The following PARP9 variants were observed in gnomAD, a reference collection of about 807,000 sequenced individuals.
PARP9 encodes protein mono-ADP-ribosyltransferase PARP9.
In PARP9, 48 loss-of-function variants were observed where a neutral mutation model predicts 68.8. That is an observed-to-expected ratio of 0.70 (90% CI 0.55 to 0.89). PARP9 has a LOEUF of 0.89. PARP9 is among the 40% of genes least tolerant of loss of function. The pLI, the probability that PARP9 is intolerant of heterozygous loss-of-function variation, is 0.00. For missense variants in PARP9, 806 were observed against 969.3 expected (o/e 0.83, Z 2.24); for synonymous variants, 309 against 333.8 (o/e 0.93, Z 0.81).
At chr3:122,564,148 C>G (rs545569108) in intron 1 of PARP9, 97 bp downstream of exon 1, 83 of 476,616 alleles carry the variant, frequency 1.7e-4, no homozygotes, top group African/African-American at 1.6e-3. Context: ...AGGCCTGGCC[C>G]TGGGACCCGG....
chr3:122,546,099 GC>G (rs1234918996), intron 6 of PARP9: 3 of 152,290 alleles, frequency 2.0e-5, no homozygotes, highest in Admixed American at 1.3e-4. Flanking sequence ...ATCTCACTTA[GC>G]TTTTGGAGCC....
At chr3:122,556,173 A>AAAACAAAAAAAAC (rs2079643912) in intron 3 of PARP9, 52 bp from the exon 4 acceptor site, 1 of 1,160,410 alleles carries the variant, frequency 8.6e-7, no homozygotes, top group Admixed American at 2.8e-5. Flanking sequence ...AAAAAAAAAA[A>AAAACAAAAAAAAC]GCACAGTTTG....
Position 122,528,177 on chromosome 3 carries a change from A to T in PARP9, c.*187T>A, listed in dbSNP as rs972493409. 7 of 654,042 alleles carry T rather than the reference A, an allele frequency of 1.1e-5. No individual in the cohort carries two copies. The highest frequency in any genetic ancestry group is 1.7e-5 in the Non-Finnish European group (7 of 411,996). 40.5% of individuals were successfully genotyped at this position (654,042 alleles called of 1,614,324 possible). A position where few individuals can be genotyped will look rare whatever the true frequency, so the allele number is the denominator to read the frequency against. On this transcript the variant is annotated 3_prime_UTR_variant, in exon 11 of 11. Coordinates refer to ENST00000682323, the MANE Select transcript of PARP9 (RefSeq NM_001146105.2). ...TTTCATTTGGTATCTACCTACCCCAACCCCAAGACATAAAGACAGATAAAG... is the reference window on the plus strand; with the variant it reads ...TTTCATTTGGTATCTACCTACCCCATCCCCAAGACATAAAGACAGATAAAG...
At chr3:122,544,536 T>G (rs1456456275) in intron 7 of PARP9, among the ~76,000 whole-genome samples, 1 of 151,838 alleles carries the variant, frequency 6.6e-6, no homozygotes, top group African/African-American at 2.4e-5. Flanking sequence ...CAAACTCCAC[T>G]AAAAGAATGA....
rs2078121609 is a variant in PARP9 at position 122,540,521 on chromosome 3, T to C, written c.1716A>G (p.Val572=). The C allele has an allele frequency of 1.9e-6, 3 of 1,614,120 alleles. No homozygotes were observed. Among genetic ancestry groups the C allele is most frequent in the South Asian group, 2.2e-5 (2 of 91,090 alleles). The change falls in exon 8 of 11, where the codon GTA becomes GTG. Residue 572 remains valine, a synonymous_variant. Coordinates refer to ENST00000682323, the MANE Select transcript of PARP9 (RefSeq NM_001146105.2). ...CCTTTTTCCTTGCCATTTCCTCCTG[T>C]ACTTTACAAAGCATATCTTCAATGT... is the stretch of plus-strand genomic sequence containing the variant. ...VMNIEDMLCK[V]QEEMARKKER...
chr3:122,535,403 G>C, intron 10 of PARP9: 1 of 985,374 alleles, frequency 1.0e-6, no homozygotes, highest in Non-Finnish European at 1.2e-6. Flanking sequence ...TCCTCAGCAA[G>C]GATCATGCTA....
intron 8 of PARP9, among the ~76,000 whole-genome samples, chr3:122,539,477 T>C (rs2077925333): frequency 6.6e-6 from 1 of 151,838 alleles, no homozygotes; most frequent in Non-Finnish European, 1.5e-5. Flanking sequence ...GATATCTATA[T>C]CTATCTCTAT....
chr3:122,550,533 A>G (rs1979853), intron 6 of PARP9, 51 bp downstream of exon 6: 814,362 of 1,381,854 alleles, frequency 0.59, 239,089 homozygotes, highest in East Asian at 0.75. Context: ...ATGTTGCTGA[A>G]TGAATGAATG....
intron 5 of PARP9, among the ~76,000 whole-genome samples, chr3:122,551,174 A>G (rs1022471908): frequency 1.3e-5 from 2 of 152,246 alleles, no homozygotes; most frequent in African/African-American, 4.8e-5. Context: ...GGAGATCGAG[A>G]TTAAAATAAG....
intron 10 of PARP9, among the ~76,000 whole-genome samples, chr3:122,530,176 CAAA>C (rs11295677): frequency 3.6e-4 from 30 of 82,264 alleles, no homozygotes; most frequent in Non-Finnish European, 5.4e-4. Context: ...GGCCCTGTCT[CAAA>C]AAAAAAAAAA....
Position 122,555,613 on chromosome 3 carries a change from C to T in PARP9, c.558G>A (p.Leu186=). 6.2e-7 allele frequency: 1 copy of T among 1,614,106 alleles called. No homozygotes were observed. The highest frequency in any genetic ancestry group is 8.5e-7 in the Non-Finnish European group (1 of 1,180,004). Residue 186 remains leucine (L), a synonymous_variant, in exon 4 of 11, where the codon CTG becomes CTA. Coordinates refer to ENST00000682323, the MANE Select transcript of PARP9 (RefSeq NM_001146105.2). Reference sequence around the variant, plus strand: ...GAGTATTTTTATAGATGACATAATTCAGAATACTTACAATGGCCCTCTGCA... The same window carrying T: ...GAGTATTTTTATAGATGACATAATTTAGAATACTTACAATGGCCCTCTGCA... ...GKLQRAIVSI[L]NYVIYKNTHI... is the part of the protein sequence containing the mutation.
chr3:122,534,124 G>A, intron 10 of PARP9: 1 of 927,924 alleles, frequency 1.1e-6, no homozygotes, highest in Non-Finnish European at 1.3e-6. Flanking sequence ...CAGCAGGTAA[G>A]AGACCAAAAT....
In PARP9 at chr3:122,536,008, C is replaced by A. The variant is rs999124786; in HGVS notation, c.2080+160G>T. The A allele has an allele frequency of 5.3e-6, 8 of 1,520,260 alleles. No individual in the cohort carries two copies. The African/African-American group carries it at 1.1e-4, about 21-fold the overall frequency. 94.2% of individuals were successfully genotyped at this position (1,520,260 alleles called of 1,614,324 possible). On this transcript the variant is annotated intron_variant, in intron 10 of 10. Transcript: ENST00000682323. ...GGAAAAGTAAAAAATACCACTCTTT[C>A]CAAAATACTTTGTGACCTGGGTCAT... is the stretch of plus-strand genomic sequence containing the variant.
At chr3:122,562,568 T>C (rs186435474) in intron 1 of PARP9, among the ~76,000 whole-genome samples, 1 of 152,188 alleles carries the variant, frequency 6.6e-6, no homozygotes, top group Non-Finnish European at 1.5e-5. Context: ...TACATTTACA[T>C]GGTTCAAATT....
chr3:122,534,443 A>C (rs148453542), intron 10 of PARP9: 1 of 985,438 alleles, frequency 1.0e-6, no homozygotes, highest in African/African-American at 1.7e-5. Flanking sequence ...GGCAGCATGT[A>C]GATAAGTGGT....
intron 8 of PARP9, among the ~76,000 whole-genome samples, chr3:122,540,041 A>C (rs192878873): frequency 1.3e-5 from 2 of 152,254 alleles, no homozygotes; most frequent in Non-Finnish European, 2.9e-5. Context: ...GGCTCAAGGT[A>C]AGTAATTTTA....
At chr3:122,545,279 G>A (rs540108269) in intron 7 of PARP9, among the ~76,000 whole-genome samples, 153 bp downstream of exon 7, 2 of 152,324 alleles carry the variant, frequency 1.3e-5, no homozygotes, top group South Asian at 4.1e-4. Flanking sequence ...ATCATGATCA[G>A]GGTAGAGAGT....
At chr3:122,541,248 T>A (rs2078209612) in intron 7 of PARP9, among the ~76,000 whole-genome samples, 1 of 152,232 alleles carries the variant, frequency 6.6e-6, no homozygotes, top group African/African-American at 2.4e-5. Flanking sequence ...TTTACCCCTA[T>A]GATATTGTCA....
chr3:122,535,744 G>C, intron 10 of PARP9: 1 of 998,908 alleles, frequency 1.0e-6, no homozygotes, highest in Non-Finnish European at 1.2e-6. Flanking sequence ...GGATGAAAGA[G>C]AAAAGACCAA....
Sources: allele counts gnomAD v4.1 joint callset (sites outside exome capture counted in the v4.1 genomes callset), GRCh38; gene constraint gnomAD v4.1.1; transcripts MANE v1.5; gene names NCBI Gene and HGNC (gene_info 2026-07-23, HGNC 2026-07-21).